The following WASHC4 variants were observed in gnomAD, a reference collection of about 807,000 sequenced individuals.
WASHC4 encodes the protein WASH complex subunit 4.
In WASHC4, 86 loss-of-function variants were observed where a neutral mutation model predicts 166.6. That is an observed-to-expected ratio of 0.52 (90% CI 0.43 to 0.62). The LOEUF (loss-of-function observed/expected upper bound fraction) is 0.62. WASHC4 is among the 20% of genes least tolerant of loss of function. The pLI is 0.00. For synonymous variants in WASHC4, 446 were observed against 451.6 expected, an observed-to-expected ratio of 0.99 and a Z score of 0.16; for missense variants, 1,262 against 1,382.4, an observed-to-expected ratio of 0.91 and a Z score of 1.38.
At chr12:105,120,697 T>C in intron 8 of WASHC4, 100 bp downstream of exon 8, 1 of 830,922 alleles carries the variant, frequency 1.2e-6, no homozygotes, top group Non-Finnish European at 2.1e-6. Context: ...GGAACACTCT[T>C]AAAGAGGCGT....
intron 14 of WASHC4, among the ~76,000 whole-genome samples, chr12:105,136,447 G>C (rs1207015409): frequency 6.6e-6 from 1 of 151,838 alleles, no homozygotes; most frequent in Admixed American, 6.6e-5. Flanking sequence ...GTTCTCAGTG[G>C]GAAGGCTGAT....
At chr12:105,116,001 C>T (rs2135727481) in intron 6 of WASHC4, among the ~76,000 whole-genome samples, 1 of 152,122 alleles carries the variant, frequency 6.6e-6, no homozygotes, top group East Asian at 1.9e-4. Context: ...AAACTTTGTA[C>T]CCACTGGAAA....
intron 25 of WASHC4, among the ~76,000 whole-genome samples, chr12:105,151,977 A>C (rs991170263): frequency 1.3e-5 from 2 of 152,204 alleles, no homozygotes; most frequent in African/African-American, 4.8e-5. Flanking sequence ...ATTGAGAAGG[A>C]GTATGTTTCT....
chr12:105,149,026 T>C, intron 24 of WASHC4: 1 of 977,878 alleles, frequency 1.0e-6, no homozygotes. Flanking sequence ...TAATAATTTA[T>C]TTAACAATAC....
Position 105,121,157 on chromosome 12 carries a change from T to A in WASHC4, c.618T>A (p.Ile206=). ...CAGTTTTGCTCACCCTGGATGAAAT[T>A]ATTGATAATCATATCACACTGAAAG... is the stretch of plus-strand genomic sequence containing the variant. The part of the protein sequence containing the change: ...LLTVLLTLDE[I]IDNHITLKDH... The change falls in exon 9 of 33, where the codon ATT becomes ATA. Residue 206 remains isoleucine, a synonymous_variant. Coordinates refer to ENST00000332180, the MANE Select transcript of WASHC4 (RefSeq NM_015275.3). 1 of 1,612,322 alleles carries A rather than the reference T, an allele frequency of 6.2e-7. No homozygotes were observed. The highest frequency in any genetic ancestry group is 8.5e-7 in the Non-Finnish European group (1 of 1,178,740).
chr12:105,108,891 A>T (rs1417089280), intron 1 of WASHC4, among the ~76,000 whole-genome samples: 2 of 152,252 alleles, frequency 1.3e-5, no homozygotes, highest in Non-Finnish European at 2.9e-5. Flanking sequence ...AGCTACATCC[A>T]GGATGGGTTG....
chr12:105,112,939 G>C (rs183588686), intron 2 of WASHC4, among the ~76,000 whole-genome samples: 1 of 152,210 alleles, frequency 6.6e-6, no homozygotes, highest in East Asian at 1.9e-4. Flanking sequence ...TCCAGAGCCT[G>C]TGCCCTTATC....
rs139694709 is a variant in WASHC4, at chr12:105,129,015, G to A, written c.1199+1726G>A. Among the ~76,000 whole-genome samples the A allele has an allele frequency of 3.2e-3, 480 of 149,016 alleles. 19 individuals carry two copies. In the East Asian group the frequency reaches 0.072, roughly 22 times the overall value. ...GGCTGGAGTGCAGTGGTGTGATCTC[G>A]GCTCACTGCAACCTCCGCCTCCTGG... On this transcript the variant is annotated intron_variant, in intron 13 of 32. Transcript: ENST00000332180.
At chr12:105,132,801 TG>T (rs1881977274) in intron 13 of WASHC4, among the ~76,000 whole-genome samples, 2 of 150,342 alleles carry the variant, frequency 1.3e-5, no homozygotes, top group Non-Finnish European at 1.5e-5. Context: ...TGTGTGTGTG[TG>T]TGTGTGTGTG....
At chr12:105,164,077 T>C in intron 30 of WASHC4, 34 bp from the exon 31 acceptor site, 1 of 1,593,580 alleles carries the variant, frequency 6.3e-7, no homozygotes, top group Non-Finnish European at 8.6e-7. Flanking sequence ...CTGTACTCAC[T>C]GTAATTTAAC....
chr12:105,144,421 A>C lies in WASHC4; in HGVS notation c.2145A>C (p.Pro715=), dbSNP rs749547156. Residue 715 remains proline (P), a synonymous_variant, in exon 21 of 33, where the codon CCA becomes CCC. Coordinates refer to ENST00000332180, the MANE Select transcript of WASHC4 (RefSeq NM_015275.3). ...KDLALFFSLN[P]IRFFNRFIDI... is the part of the protein sequence containing the mutation. The stretch of plus-strand genomic sequence containing the variant: ...TGGCTCTTTTTTTCTCTCTGAATCC[A>C]ATTCGGTTTTTCAATCGTTTCATTG... The C allele has an allele frequency of 6.2e-7, 1 of 1,613,074 alleles. No individual in the cohort carries two copies. Among genetic ancestry groups the C allele is most frequent in the Non-Finnish European group, 8.5e-7 (1 of 1,179,500 alleles).
Position 105,114,271 on chromosome 12 carries a change from T to C in WASHC4, c.255+2T>C. 1 of 1,608,576 alleles carries C rather than the reference T, an allele frequency of 6.2e-7. No homozygotes were observed. The highest frequency in any genetic ancestry group is 8.5e-7 in the Non-Finnish European group (1 of 1,176,336). Reference sequence around the variant, plus strand: ...GAACTCATAAAGACTGAAAACAAGGTACAGAATCCTAAATCTAAAAAATTG... The same window carrying C: ...GAACTCATAAAGACTGAAAACAAGGCACAGAATCCTAAATCTAAAAAATTG... On this transcript the variant is annotated splice_donor_variant, in intron 3 of 32. Transcript: ENST00000332180. LOFTEE classifies it high-confidence loss of function.
chr12:105,136,434 G>A (rs1031242361), intron 14 of WASHC4, among the ~76,000 whole-genome samples: 7 of 151,986 alleles, frequency 4.6e-5, no homozygotes, highest in African/African-American at 1.7e-4. Flanking sequence ...ATATATTCTA[G>A]TTGTTCTCAG....
At chr12:105,139,911 T>C (rs1438034340) in intron 15 of WASHC4, among the ~76,000 whole-genome samples, 1 of 149,540 alleles carries the variant, frequency 6.7e-6, no homozygotes, top group East Asian at 2.0e-4. Flanking sequence ...TGAGACGGAG[T>C]CTTGCTCAGT....
intron 23 of WASHC4, 43 bp from the exon 24 acceptor site, chr12:105,146,999 T>TA: frequency 9.4e-7 from 1 of 1,064,482 alleles, no homozygotes; most frequent in Non-Finnish European, 1.5e-6. Flanking sequence ...CAGTGTTTGC[T>TA]ATGGGTTGCG....
chr12:105,147,222 A>G, intron 24 of WASHC4, 76 bp downstream of exon 24: 4 of 866,644 alleles, frequency 4.6e-6, no homozygotes, highest in South Asian at 1.3e-5. Flanking sequence ...CTCATAGAAT[A>G]TTGCGGTAAA....
chr12:105,163,681 T>C lies in WASHC4; in HGVS notation c.3158-430T>C, dbSNP rs76124463. 3.4e-3 allele frequency among the ~76,000 whole-genome samples: 514 copies of C among 152,128 alleles called. 20 individuals carry two copies. The East Asian group carries it at 0.073, about 22-fold the overall frequency. The stretch of plus-strand genomic sequence containing the variant: ...CACATCTGGCTAATTAAAAAAATTT[T>C]TGTTTTTTTTAGAGACAGGAGTCTC... On this transcript the variant is annotated intron_variant, in intron 30 of 32. Transcript: ENST00000332180.
rs1469500229 is a variant in WASHC4 at position 105,168,092 on chromosome 12, T to TG, written c.*1162dup. On this transcript the variant is annotated 3_prime_UTR_variant, in exon 33 of 33. Coordinates refer to ENST00000332180, the MANE Select transcript of WASHC4 (RefSeq NM_015275.3). ...TACAAACACCATTTTGGGAAATGCT[T>TG]GATTTTTTTCTATTGCATTTGTCTG... is the stretch of plus-strand genomic sequence containing the variant. 3 of 152,120 alleles carry TG rather than the reference T, an allele frequency of 2.0e-5. No individual in the cohort carries two copies. The highest frequency in any genetic ancestry group is 7.2e-5 in the African/African-American group (3 of 41,458). The allele number at this position is 152,120 out of a possible 1,614,324, so 9.4% of individuals were successfully genotyped here. A position where few individuals can be genotyped will look rare whatever the true frequency, so the allele number is the denominator to read the frequency against.
chr12:105,134,970 TA>T (rs960729496), intron 14 of WASHC4, among the ~76,000 whole-genome samples: 9 of 151,998 alleles, frequency 5.9e-5, no homozygotes, highest in Admixed American at 5.9e-4. Flanking sequence ...TATATTATTT[TA>T]TTGTTCTTTT....
Sources: gnomAD v4.1 joint callset for allele counts (sites outside exome capture counted in the v4.1 genomes callset) on GRCh38, gnomAD v4.1.1 for gene constraint, MANE v1.5 for transcripts, NCBI Gene and HGNC (gene_info 2026-07-23, HGNC 2026-07-21) for gene names.